The following AMMECR1 variants were observed in gnomAD, a reference collection of about 807,000 sequenced individuals.
The protein encoded by AMMECR1 is AMMECR nuclear protein 1, also known as nuclear protein AMMECR1.
A neutral mutation model predicts 22.5 loss-of-function variants in AMMECR1; 3 were observed. The observed-to-expected ratio is 0.13, with a 90% CI of 0.06 to 0.35. The LOEUF (loss-of-function observed/expected upper bound fraction) is 0.35. AMMECR1 is among the 10% of genes least tolerant of loss of function. AMMECR1 has a pLI of 1.00. For missense variants in AMMECR1, 235 were observed against 278.7 expected (o/e 0.84, Z 1.12); for synonymous variants, 130 against 116.7 (o/e 1.11, Z -0.74).
intron 2 of AMMECR1, among the ~76,000 whole-genome samples, chrX:110,426,449 A>C (rs1385953117): frequency 8.9e-6 from 1 of 111,738 alleles, no homozygotes; most frequent in Non-Finnish European, 1.9e-5. Context: ...ACGCACTGGA[A>C]AACTGCTCAT....
chrX:110,397,168 C>A (rs941474411), intron 2 of AMMECR1, among the ~76,000 whole-genome samples: 17 of 111,261 alleles, frequency 1.5e-4, no homozygotes, highest in African/African-American at 5.2e-4. Flanking sequence ...GTTCCAAAGA[C>A]TTACTCTTAG....
At chrX:110,308,776 T>A (rs1030126286) in intron 1 of AMMECR1, among the ~76,000 whole-genome samples, 5 of 111,315 alleles carry the variant, frequency 4.5e-5, no homozygotes, top group African/African-American at 1.3e-4. Context: ...GTTTTTTTTT[T>A]AATTTGTTTT....
intron 2 of AMMECR1, among the ~76,000 whole-genome samples, chrX:110,344,361 T>A (rs2068178774): frequency 8.9e-6 from 1 of 112,330 alleles, no homozygotes; most frequent in African/African-American, 3.2e-5. Context: ...GATTAAAGAC[T>A]TACATGTTAG....
At chrX:110,313,965 G>A (rs1415613990) in intron 1 of AMMECR1, among the ~76,000 whole-genome samples, 1 of 111,745 alleles carries the variant, frequency 8.9e-6, no homozygotes, top group Admixed American at 9.5e-5. Flanking sequence ...TGTGGCCCTG[G>A]GAACTGTAGC....
At chrX:110,294,818 G>A (rs1335406752) in intron 1 of AMMECR1, among the ~76,000 whole-genome samples, 2 of 110,417 alleles carry the variant, frequency 1.8e-5, no homozygotes, top group African/African-American at 6.6e-5. Flanking sequence ...CTTTACACTT[G>A]TCCTTAATGG....
At chrX:110,277,768 A>T (rs747838638) in intron 1 of AMMECR1, among the ~76,000 whole-genome samples, 66 of 111,647 alleles carry the variant, frequency 5.9e-4, no homozygotes, top group Non-Finnish European at 7.2e-4. Flanking sequence ...AAAGTAATGA[A>T]ATTTAAAAGA....
At chrX:110,320,684 G>A (rs1456427946), upstream of AMMECR1, among the ~76,000 whole-genome samples, 1 of 112,376 alleles carries the variant, frequency 8.9e-6, no homozygotes, top group East Asian at 2.8e-4. Flanking sequence ...AGGGACTGAT[G>A]CAATGGGAAA....
intron 2 of AMMECR1, among the ~76,000 whole-genome samples, chrX:110,339,193 G>A (rs774796402): frequency 9.0e-6 from 1 of 111,277 alleles, no homozygotes; most frequent in African/African-American, 3.3e-5. Flanking sequence ...GGGAGTTGCT[G>A]AAAGTAGGCA....
At chrX:110,346,323 T>G (rs1053196828) in intron 2 of AMMECR1, among the ~76,000 whole-genome samples, 1 of 112,181 alleles carries the variant, frequency 8.9e-6, no homozygotes, top group Non-Finnish European at 1.9e-5. Context: ...GAGTAGATTA[T>G]TCAAAAAGGA....
intron 2 of AMMECR1, among the ~76,000 whole-genome samples, chrX:110,242,322 G>A (rs1291683135): frequency 9.0e-6 from 1 of 111,362 alleles, no homozygotes; most frequent in Admixed American, 9.5e-5. Context: ...AAGAACATTT[G>A]GTACAATAAA....
intron 2 of AMMECR1, among the ~76,000 whole-genome samples, chrX:110,226,387 C>T (rs946074647): frequency 2.7e-5 from 3 of 111,432 alleles, no homozygotes; most frequent in South Asian, 3.8e-4. Flanking sequence ...AGGCGGATCA[C>T]GAGGTCAGGA....
At chrX:110,324,808 T>C (rs760772922) in intron 2 of AMMECR1, among the ~76,000 whole-genome samples, 10 of 111,283 alleles carry the variant, frequency 9.0e-5, no homozygotes, top group Admixed American at 2.9e-4. Context: ...AATTTTGGGA[T>C]AGTAAATCAA....
intron 1 of AMMECR1, among the ~76,000 whole-genome samples, chrX:110,312,044 A>T (rs956951772): frequency 5.3e-5 from 6 of 112,557 alleles, no homozygotes; most frequent in Admixed American, 9.4e-5. Flanking sequence ...ACAAAATTTA[A>T]ATGTAAAAGC....
At chrX:110,432,505 C>T (rs981016923) in intron 1 of AMMECR1, among the ~76,000 whole-genome samples, 9 of 112,007 alleles carry the variant, frequency 8.0e-5, no homozygotes, top group African/African-American at 2.6e-4. Context: ...TGTTGTGAGG[C>T]AGCGTTGGGG....
At chrX:110,363,031 C>T (rs1358442455) in intron 2 of AMMECR1, among the ~76,000 whole-genome samples, 3 of 111,989 alleles carry the variant, frequency 2.7e-5, no homozygotes, top group Non-Finnish European at 5.6e-5. Context: ...CTGCCCAACT[C>T]CAGAGCCAAG....
chrX:110,297,802 A>G (rs1340787158), intron 1 of AMMECR1, among the ~76,000 whole-genome samples: 1 of 111,190 alleles, frequency 9.0e-6, no homozygotes, highest in African/African-American at 3.3e-5. Flanking sequence ...TGTCTTCCTA[A>G]AAGGCATCAG....
chrX:110,390,135 AC>A (rs781767565), intron 2 of AMMECR1, among the ~76,000 whole-genome samples: 5 of 111,786 alleles, frequency 4.5e-5, no homozygotes, highest in Non-Finnish European at 7.5e-5. Flanking sequence ...TAAATAAAAT[AC>A]CTGCCTACAT....
chrX:110,277,307 C>T (rs1003695886), intron 1 of AMMECR1, among the ~76,000 whole-genome samples: 3 of 109,317 alleles, frequency 2.7e-5, no homozygotes, highest in South Asian at 7.9e-4. Context: ...GAGCAACTAT[C>T]GCAAGGACAG....
chrX:110,221,733 G>A (rs754756616), intron 2 of AMMECR1, among the ~76,000 whole-genome samples: 6 of 111,388 alleles, frequency 5.4e-5, no homozygotes, highest in African/African-American at 2.0e-4. Context: ...ACAAAAGGAA[G>A]AGAAGATAGG....
Sources: allele counts gnomAD v4.1 joint callset (sites outside exome capture counted in the v4.1 genomes callset), GRCh38; gene constraint gnomAD v4.1.1; transcripts MANE v1.5; gene names NCBI Gene and HGNC (gene_info 2026-07-23, HGNC 2026-07-21).